Variants in LRTM3 observed in about 807,000 individuals in gnomAD.
LRTM3 encodes the protein leucine rich repeat transmembrane protein 3.
At chr13:102,745,451 C>T in the LRTM3 span, 1 of 1,550,576 alleles carries the variant, frequency 6.4e-7, no homozygotes. Context: ...CCCCTTTTTG[C>T]CTTGATGCAG....
At chr13:102,741,582 T>A in the LRTM3 span, 1 of 1,550,406 alleles carries the variant, frequency 6.4e-7, no homozygotes, top group Non-Finnish European at 8.7e-7. Flanking sequence ...GGTTCCATAA[T>A]GGGGCAGGCC....
At chr13:102,734,985 G>A in the LRTM3 span, 1 of 1,551,112 alleles carries the variant, frequency 6.4e-7, no homozygotes, top group South Asian at 1.2e-5. Flanking sequence ...GGTGATACCT[G>A]GAGTTTTACT....
the LRTM3 span, chr13:102,730,659 T>G: frequency 6.4e-7 from 1 of 1,552,058 alleles, no homozygotes; most frequent in Middle Eastern, 1.7e-4. Context: ...GGACTTTGCT[T>G]TTTGAAAGAA....
the LRTM3 span, chr13:102,731,283 C>T: frequency 1.3e-6 from 2 of 1,551,290 alleles, no homozygotes; most frequent in Admixed American, 3.9e-5. Context: ...TCAGTCCCTT[C>T]TAGAGACATA....
the LRTM3 span, chr13:102,747,553 TC>T: frequency 2.6e-6 from 4 of 1,551,034 alleles, no homozygotes; most frequent in Non-Finnish European, 3.5e-6. Flanking sequence ...CAGGTAAATA[TC>T]TTTTTACATC....
At chr13:102,744,414 T>C in the LRTM3 span, 1 of 1,549,776 alleles carries the variant, frequency 6.5e-7, no homozygotes, top group East Asian at 2.4e-5. Context: ...TCCCAAGGGG[T>C]ATCACGTGGT....
At chr13:102,741,653 G>A in the LRTM3 span, 1,226,555 of 1,550,246 alleles carry the variant, frequency 0.79, 489,130 homozygotes, top group South Asian at 0.86. Flanking sequence ...CTCCTGGCAA[G>A]TCTTCTGTTG....
At chr13:102,739,074 T>C in the LRTM3 span, 7 of 1,550,540 alleles carry the variant, frequency 4.5e-6, no homozygotes, top group South Asian at 1.2e-5. Flanking sequence ...ATTCCTCTCA[T>C]GTATACCTCT....
At chr13:102,749,235 T>G in the LRTM3 span, 2 of 1,550,802 alleles carry the variant, frequency 1.3e-6, no homozygotes, top group Non-Finnish European at 1.7e-6. Flanking sequence ...ACATTAAGAC[T>G]GAGTTTGCTT....
chr13:102,752,563 G>A, the LRTM3 span, among the ~76,000 whole-genome samples: 3 of 152,102 alleles, frequency 2.0e-5, no homozygotes, highest in Non-Finnish European at 4.4e-5. Context: ...GGGTATTTTA[G>A]GCTACACTAA....
At chr13:102,741,059 G>A in the LRTM3 span, 4 of 1,549,894 alleles carry the variant, frequency 2.6e-6, no homozygotes, top group Non-Finnish European at 3.5e-6. Context: ...TTCTTCTGCT[G>A]AGCCTTCTTT....
the LRTM3 span, among the ~76,000 whole-genome samples, chr13:102,756,205 G>C: frequency 6.6e-6 from 1 of 150,666 alleles, no homozygotes; most frequent in East Asian, 2.0e-4. Flanking sequence ...GCCCACCTCA[G>C]CTTCCCAAAA....
the LRTM3 span, chr13:102,748,700 C>A: frequency 3.9e-6 from 6 of 1,549,714 alleles, no homozygotes; most frequent in Non-Finnish European, 5.2e-6. Flanking sequence ...TTCTGTAATA[C>A]CAATTCCCTT....
At chr13:102,750,116 G>A in the LRTM3 span, 1 of 1,551,072 alleles carries the variant, frequency 6.4e-7, no homozygotes, top group Non-Finnish European at 8.7e-7. Flanking sequence ...TAATTTCTTG[G>A]AGGAAAATTG....
the LRTM3 span, among the ~76,000 whole-genome samples, chr13:102,755,901 ATGTGTGTG>A: frequency 6.1e-5 from 6 of 98,858 alleles, no homozygotes; most frequent in African/African-American, 1.7e-4. Context: ...ACACATATAT[ATGTGTGTG>A]TGTGTGTGTG....
At chr13:102,736,058 T>C in the LRTM3 span, 21 of 1,543,724 alleles carry the variant, frequency 1.4e-5, no homozygotes, top group Middle Eastern at 5.0e-4. Flanking sequence ...CTTTGCCTCT[T>C]TATATGGCAT....
the LRTM3 span, chr13:102,734,492 T>C: frequency 6.4e-7 from 1 of 1,551,278 alleles, no homozygotes. Flanking sequence ...AATGTTCACA[T>C]GCAGTTCTGT....
the LRTM3 span, chr13:102,744,914 C>T: frequency 1.3e-6 from 2 of 1,550,642 alleles, no homozygotes; most frequent in Non-Finnish European, 8.7e-7. Flanking sequence ...GTGCTGTTCC[C>T]CCATACATTT....
the LRTM3 span, chr13:102,743,989 G>C: frequency 2.6e-6 from 4 of 1,550,208 alleles, no homozygotes; most frequent in Non-Finnish European, 2.6e-6. Context: ...GGCGTGTTCT[G>C]TTAGATAGAA....
Sources: gnomAD v4.1 joint callset for allele counts (sites outside exome capture counted in the v4.1 genomes callset) on GRCh38, gnomAD v4.1.1 for gene constraint, MANE v1.5 for transcripts, NCBI Gene and HGNC (gene_info 2026-07-23, HGNC 2026-07-21) for gene names.